Variants in SI observed in about 807,000 individuals in gnomAD.
SI encodes sucrase-isomaltase, intestinal.
A neutral mutation model predicts 253.3 loss-of-function variants in SI; 235 were observed. That is an observed-to-expected ratio of 0.93 (90% CI 0.83 to 1.03). The LOEUF is 1.03. Ranked by LOEUF, SI falls within the 50% of genes least tolerant of loss-of-function variation. The pLI, the probability that SI is intolerant of heterozygous loss-of-function variation, is 0.00. For synonymous variants in SI, 819 were observed against 712.0 expected (o/e 1.15, Z -2.39); for missense variants, 2,442 against 2,211.1 (o/e 1.10, Z -2.09).
chr3:165,015,095 A>T (rs372966177), intron 33 of SI, 28 bp downstream of exon 33: 5 of 1,500,302 alleles, frequency 3.3e-6, no homozygotes, highest in Admixed American at 1.7e-5. Context: ...TTTTGTATTT[A>T]TTCTATTTCA....
chr3:165,002,789 G>A (rs971666516), intron 37 of SI, among the ~76,000 whole-genome samples: 4 of 151,580 alleles, frequency 2.6e-5, no homozygotes, highest in Non-Finnish European at 5.9e-5. Flanking sequence ...TATTAAGAAA[G>A]TATCTGAAAC....
In SI at chr3:165,038,068, C is replaced by T. The variant is rs745803819; in HGVS notation, c.2302-44G>A. 8 of 1,521,238 alleles carry T rather than the reference C, an allele frequency of 5.3e-6. No individual in the cohort carries two copies. The East Asian group carries it at 1.6e-4, about 30-fold the overall frequency. The allele number at this position is 1,521,238 out of a possible 1,614,324, so 94.2% of individuals were successfully genotyped here. A position where few individuals can be genotyped will look rare whatever the true frequency, so the allele number is the denominator to read the frequency against. On this transcript the variant is annotated intron_variant, in intron 20 of 47. Coordinates refer to ENST00000264382, the MANE Select transcript of SI (RefSeq NM_001041.4). ...AAAACATTCTTAATATTATTGAAGACTTTAAACTCTATTTCACAAGAATTA... is the reference window on the plus strand; with the variant it reads ...AAAACATTCTTAATATTATTGAAGATTTTAAACTCTATTTCACAAGAATTA...
Position 165,007,019 on chromosome 3 carries a change from C to T in SI, c.4268-65G>A, listed in dbSNP as rs1005996091. 5 of 1,130,740 alleles carry T rather than the reference C, an allele frequency of 4.4e-6. No homozygotes were observed. The Admixed American group carries it at 8.0e-5, about 18-fold the overall frequency. 70.0% of individuals were successfully genotyped at this position (1,130,740 alleles called of 1,614,324 possible). A position where few individuals can be genotyped will look rare whatever the true frequency, so the allele number is the denominator to read the frequency against. On this transcript the variant is annotated intron_variant, in intron 36 of 47. Coordinates refer to ENST00000264382, the MANE Select transcript of SI (RefSeq NM_001041.4). ...GTGCCCTACAATGAAACGTGTAACT[C>T]ATAATTATGTATTCCTTGACAAAGA...
At chr3:164,992,285 G>T in intron 42 of SI, 28 bp downstream of exon 42, 1 of 1,611,652 alleles carries the variant, frequency 6.2e-7, no homozygotes, top group Non-Finnish European at 8.5e-7. Flanking sequence ...AGAAAATTGT[G>T]TAAACAAAAA....
chr3:165,025,421 A>G lies in SI; in HGVS notation c.2893-1645T>C, dbSNP rs143310498. Among the ~76,000 whole-genome samples, 118 of 151,368 alleles carry G rather than the reference A, an allele frequency of 7.8e-4. 2 individuals are homozygous for G. Among genetic ancestry groups the G allele is most frequent in the African/African-American group, 2.4e-3 (100 of 41,452 alleles). On this transcript the variant is annotated intron_variant, in intron 25 of 47. Coordinates refer to ENST00000264382, the MANE Select transcript of SI (RefSeq NM_001041.4). ...AGGGAAATCTAAAAATTTGGAAAAC[A>G]TATTTGAAGGAATAATCAAAGAAAA...
At chr3:165,067,006 G>T (rs2108096302) in intron 6 of SI, among the ~76,000 whole-genome samples, 1 of 151,902 alleles carries the variant, frequency 6.6e-6, no homozygotes, top group African/African-American at 2.4e-5. Flanking sequence ...GTAACTGTCT[G>T]ATTCTACAAA....
intron 16 of SI, among the ~76,000 whole-genome samples, chr3:165,045,152 T>C (rs202096672): frequency 1.2e-3 from 190 of 152,222 alleles, no homozygotes; most frequent in African/African-American, 4.4e-3. Context: ...TCTTTTTCTC[T>C]ACTTCTTTAA....
chr3:165,089,600 C>G, the SI span, among the ~76,000 whole-genome samples: 1 of 152,120 alleles, frequency 6.6e-6, no homozygotes, highest in Non-Finnish European at 1.5e-5. Context: ...GACAACATCA[C>G]CCCAAAGCTT....
chr3:165,041,064 A>T lies in SI; in HGVS notation c.2035T>A (p.Ser679Thr), dbSNP rs775501050. ...HQDPAFFGQNSLLVKSSRQYL... is the reference protein window; with the variant it reads ...HQDPAFFGQNTLLVKSSRQYL... ...TGCCTTGATGATTTAACCAAAAGTG[A>T]ATTCTGCCCAAAAAATGCAGGATCC... Residue 679 changes from serine to threonine, a missense_variant, in exon 18 of 48, where the codon TCA becomes ACA. Transcript: ENST00000264382. 1 of 1,612,930 alleles carries T rather than the reference A, an allele frequency of 6.2e-7. No individual in the cohort carries two copies. Among genetic ancestry groups the T allele is most frequent in the Non-Finnish European group, 8.5e-7 (1 of 1,179,278 alleles).
Position 164,994,238 on chromosome 3 carries a change from A to G in SI, c.4841+19T>C, listed in dbSNP as rs907478819. On this transcript the variant is annotated intron_variant, in intron 41 of 47. Coordinates refer to ENST00000264382, the MANE Select transcript of SI (RefSeq NM_001041.4). ...AAAAGTATCTCTCTGTGATAAGAGAAAACAAACTTTGTACTTACTCATGCA... is the reference window on the plus strand; with the variant it reads ...AAAAGTATCTCTCTGTGATAAGAGAGAACAAACTTTGTACTTACTCATGCA... 5 of 1,607,232 alleles carry G rather than the reference A, an allele frequency of 3.1e-6. No homozygotes were observed. Among genetic ancestry groups the G allele is most frequent in the Middle Eastern group, 1.7e-4 (1 of 5,786 alleles).
chr3:165,019,085 T>C (rs905660357), intron 28 of SI, among the ~76,000 whole-genome samples: 4 of 151,904 alleles, frequency 2.6e-5, no homozygotes, highest in African/African-American at 9.7e-5. Flanking sequence ...ATTCATAAAA[T>C]GTGTTGCATT....
chr3:165,015,855 A>G, intron 32 of SI, 97 bp downstream of exon 32: 1 of 1,074,086 alleles, frequency 9.3e-7, no homozygotes, highest in Non-Finnish European at 1.4e-6. Flanking sequence ...TCAAAGTTAT[A>G]TACTTTCTAT....
chr3:165,026,998 C>A (rs1576894213), intron 25 of SI, among the ~76,000 whole-genome samples: 1 of 150,772 alleles, frequency 6.6e-6, no homozygotes, highest in East Asian at 2.0e-4. Context: ...GAAATTGAAA[C>A]AAAAAAATAC....
chr3:164,998,185 A>T (rs1034078042), intron 38 of SI, among the ~76,000 whole-genome samples: 1 of 151,852 alleles, frequency 6.6e-6, no homozygotes, highest in African/African-American at 2.4e-5. Context: ...TCTTGAAAGC[A>T]TCTGTTATTT....
intron 1 of SI, among the ~76,000 whole-genome samples, chr3:165,076,741 G>A (rs1435016320): frequency 6.6e-6 from 1 of 151,562 alleles, no homozygotes; most frequent in Non-Finnish European, 1.5e-5. Context: ...GGTAGCATAT[G>A]GAAGATACCC....
chr3:165,033,544 T>A, intron 22 of SI, 100 bp from the exon 23 acceptor site: 2 of 1,139,034 alleles, frequency 1.8e-6, no homozygotes, highest in South Asian at 3.4e-5. Context: ...ACAAACTAGA[T>A]GCTGTTTATT....
At position 164,982,379 on chromosome 3, in the gene SI, CCT is replaced by C; in HGVS notation, c.5277_5278del (p.Gly1760LeufsTer4). On this transcript the variant is annotated frameshift_variant, in exon 47 of 48. Transcript: ENST00000264382. LOFTEE classifies it high-confidence loss of function. ...CCTCGTTTCACTTTTATTTATGTAACCTCTCTTCAATATAGTGCTTGTTAAGG... is the reference window on the plus strand; with the variant it reads ...CCTCGTTTCACTTTTATTTATGTAACCTCTTCAATATAGTGCTTGTTAAGG... The C allele has an allele frequency of 6.2e-7, 1 of 1,612,054 alleles. No homozygotes were observed. Among genetic ancestry groups the C allele is most frequent in the Non-Finnish European group, 8.5e-7 (1 of 1,178,678 alleles).
At chr3:165,028,612 T>A (rs111310840) in intron 25 of SI, among the ~76,000 whole-genome samples, 80 of 151,364 alleles carry the variant, frequency 5.3e-4, no homozygotes, top group African/African-American at 1.7e-3. Context: ...TGGAACAGAA[T>A]AGAGAACCCA....
chr3:165,060,136 A>C (rs180770166), intron 9 of SI, 109 bp from the exon 10 acceptor site: 1 of 950,842 alleles, frequency 1.1e-6, no homozygotes, highest in African/African-American at 1.7e-5. Context: ...AATTCATTTA[A>C]GTTTATATAA....
Sources: gnomAD v4.1 joint callset for allele counts (sites outside exome capture counted in the v4.1 genomes callset) on GRCh38, gnomAD v4.1.1 for gene constraint, MANE v1.5 for transcripts, NCBI Gene and HGNC (gene_info 2026-07-23, HGNC 2026-07-21) for gene names.